Variants in ANKRD31 observed in about 807,000 individuals in gnomAD.
ANKRD31 encodes the protein ankyrin repeat domain 31, also known as ankyrin repeat domain-containing protein 31.
ANKRD31 carries 147 observed loss-of-function variants against 186.0 expected under a neutral mutation model. The observed-to-expected ratio is 0.79, with a 90% confidence interval of 0.69 to 0.91. ANKRD31 has a LOEUF of 0.91. Ranked by LOEUF, ANKRD31 falls within the 40% of genes least tolerant of loss-of-function variation. The pLI is 0.00. For missense variants in ANKRD31, 1,986 were observed against 2,148.8 expected, an observed-to-expected ratio of 0.92 and a Z score of 1.50; for synonymous variants, 673 against 736.4, an observed-to-expected ratio of 0.91 and a Z score of 1.39.
At chr5:75,176,229 G>C (rs922021177) in intron 10 of ANKRD31, among the ~76,000 whole-genome samples, 5 of 152,204 alleles carry the variant, frequency 3.3e-5, no homozygotes, top group Admixed American at 2.0e-4. Context: ...TTAACAAAGC[G>C]GCCAGGAAGC....
intron 17 of ANKRD31, among the ~76,000 whole-genome samples, chr5:75,123,467 C>T (rs1232595918): frequency 1.3e-5 from 2 of 151,882 alleles, no homozygotes; most frequent in African/African-American, 4.8e-5. Flanking sequence ...AACCAAAAAA[C>T]AGTCTGAATA....
chr5:75,163,746 T>C (rs9293646), intron 11 of ANKRD31, among the ~76,000 whole-genome samples: 2,232 of 152,264 alleles, frequency 0.015, 27 homozygotes, highest in South Asian at 0.05. Flanking sequence ...CTTGAATCAA[T>C]AGTATGATCA....
At chr5:75,126,187 A>G (rs567970640) in intron 17 of ANKRD31, among the ~76,000 whole-genome samples, 2 of 152,152 alleles carry the variant, frequency 1.3e-5, no homozygotes, top group African/African-American at 4.8e-5. Context: ...CTCACCTGTA[A>G]TCCCAGCACT....
chr5:75,140,790 C>T lies in ANKRD31; in HGVS notation c.3596-1807G>A, dbSNP rs77890288. Among the ~76,000 whole-genome samples, 1,273 of 152,238 alleles carry T rather than the reference C, an allele frequency of 8.4e-3. 31 individuals carry two copies. Among genetic ancestry groups the T allele is most frequent in the African/African-American group, 0.028 (1,183 of 41,544 alleles). The stretch of plus-strand genomic sequence containing the variant: ...GCCAATCACCAGTGAGGAACTGAGG[C>T]CCTCAGCCAACCATCCTCAAGAAAT... On this transcript the variant is annotated intron_variant, in intron 15 of 25. Coordinates refer to ENST00000506364, the MANE Select transcript of ANKRD31 (RefSeq NM_001372053.1).
At position 75,105,211 on chromosome 5, in the gene ANKRD31, T is replaced by C. The variant is rs747290129; in HGVS notation, c.4348A>G (p.Ile1450Val). ...DDLAKKYRVS[I>V]ESFKHGALRE... ...AGGGCTCCATGCTTAAATGACTCTATGGATACCCTATAGGAAGAAACAGAA... is the reference window on the plus strand; with the variant it reads ...AGGGCTCCATGCTTAAATGACTCTACGGATACCCTATAGGAAGAAACAGAA... Residue 1450 changes from isoleucine (I) to valine (V), a missense_variant, in exon 22 of 26, where the codon ATA becomes GTA. Ile to Val is a conservative substitution (Grantham distance 29). Coordinates refer to ENST00000506364, the MANE Select transcript of ANKRD31 (RefSeq NM_001372053.1). 2.0e-6 allele frequency: 3 copies of C among 1,507,834 alleles called. No individual in the cohort carries two copies. In the South Asian group the frequency reaches 3.8e-5, roughly 19 times the overall value. 93.4% of individuals were successfully genotyped at this position (1,507,834 alleles called of 1,614,324 possible).
intron 11 of ANKRD31, among the ~76,000 whole-genome samples, chr5:75,157,744 A>T (rs1022951009): frequency 6.6e-6 from 1 of 152,154 alleles, no homozygotes; most frequent in African/African-American, 2.4e-5. Flanking sequence ...AATGGCATGA[A>T]TCCCTGTGAC....
At chr5:75,192,022 T>A (rs1755149511) in intron 9 of ANKRD31, among the ~76,000 whole-genome samples, 1 of 152,094 alleles carries the variant, frequency 6.6e-6, no homozygotes, top group Admixed American at 6.6e-5. Flanking sequence ...TACGTATGCA[T>A]CCAGACACAT....
intron 16 of ANKRD31, 60 bp from the exon 17 acceptor site, chr5:75,138,058 A>T (rs749128874): frequency 1.7e-4 from 233 of 1,355,554 alleles, no homozygotes; most frequent in Non-Finnish European, 2.1e-4. Flanking sequence ...CTCATGTAAT[A>T]TCTGTATTAC....
At chr5:75,077,599 G>C (rs1025607351) in intron 25 of ANKRD31, among the ~76,000 whole-genome samples, 2 of 151,792 alleles carry the variant, frequency 1.3e-5, no homozygotes, top group Non-Finnish European at 2.9e-5. Context: ...TGTGTATTTG[G>C]TTGTACAAAA....
rs1283163230 is a variant in ANKRD31 at position 75,089,081 on chromosome 5, T to C, written c.5472+2180A>G. Reference sequence around the variant, plus strand: ...GGGCTTGGAGTCTACTAGGCACTAGTGGTTTCTAAAGGCCCTCAAGTGATT... The same window carrying C: ...GGGCTTGGAGTCTACTAGGCACTAGCGGTTTCTAAAGGCCCTCAAGTGATT... On this transcript the variant is annotated intron_variant, in intron 23 of 25. Coordinates refer to ENST00000506364, the MANE Select transcript of ANKRD31 (RefSeq NM_001372053.1). 2.6e-5 allele frequency among the ~76,000 whole-genome samples: 4 copies of C among 152,132 alleles called. No individual in the cohort carries two copies. In the East Asian group the frequency reaches 7.7e-4, roughly 29 times the overall value.
intron 21 of ANKRD31, among the ~76,000 whole-genome samples, chr5:75,105,757 A>C (rs1038826237): frequency 5.9e-5 from 9 of 152,180 alleles, no homozygotes; most frequent in African/African-American, 2.2e-4. Context: ...TTAGTTCCCC[A>C]AGTAATTACT....
At chr5:75,177,686 GA>G (rs1203829009) in intron 10 of ANKRD31, among the ~76,000 whole-genome samples, 1 of 152,160 alleles carries the variant, frequency 6.6e-6, no homozygotes. Flanking sequence ...CAAATGCTGA[GA>G]GATTTTGTCA....
At chr5:75,171,730 A>C (rs760104762) in intron 10 of ANKRD31, among the ~76,000 whole-genome samples, 31 of 151,866 alleles carry the variant, frequency 2.0e-4, no homozygotes, top group Non-Finnish European at 4.0e-4. Flanking sequence ...AACAGACATA[A>C]GATGGAACAG....
intron 10 of ANKRD31, among the ~76,000 whole-genome samples, chr5:75,172,525 A>T (rs1164514914): frequency 6.6e-6 from 1 of 152,146 alleles, no homozygotes; most frequent in Admixed American, 6.5e-5. Flanking sequence ...AGATGAATCA[A>T]ATAGATGCAA....
chr5:75,197,653 G>C (rs1755558726), intron 6 of ANKRD31, among the ~76,000 whole-genome samples: 1 of 152,150 alleles, frequency 6.6e-6, no homozygotes, highest in Admixed American at 6.6e-5. Context: ...CACTCTCTAA[G>C]TCTCAGTTCA....
chr5:75,230,552 T>A lies in ANKRD31; in HGVS notation c.178+10A>T. On this transcript the variant is annotated intron_variant, in intron 2 of 25. Transcript: ENST00000506364. Reference sequence around the variant, plus strand: ...TAAAGGGACTACTTAATGAAAAGAATCATTCTCACCTTTGCACATTCCTCT... The same window carrying A: ...TAAAGGGACTACTTAATGAAAAGAAACATTCTCACCTTTGCACATTCCTCT... The A allele has an allele frequency of 6.5e-7, 1 of 1,530,502 alleles. No individual in the cohort carries two copies. The highest frequency in any genetic ancestry group is 8.8e-7 in the Non-Finnish European group (1 of 1,141,292). The allele number at this position is 1,530,502 out of a possible 1,614,324, so 94.8% of individuals were successfully genotyped here.
Position 75,147,506 on chromosome 5 carries a change from C to G in ANKRD31, c.1906-1G>C. On this transcript the variant is annotated splice_acceptor_variant, in intron 13 of 25. Coordinates refer to ENST00000506364, the MANE Select transcript of ANKRD31 (RefSeq NM_001372053.1). LOFTEE classifies it high-confidence loss of function. ...GACTTTTAGAACTGAACTTTGGTTTCTATAGAAAAAAAATACATAGTTAGC... is the reference window on the plus strand; with the variant it reads ...GACTTTTAGAACTGAACTTTGGTTTGTATAGAAAAAAAATACATAGTTAGC... The G allele has an allele frequency of 7.0e-7, 1 of 1,424,346 alleles. No homozygotes were observed. Among genetic ancestry groups the G allele is most frequent in the Non-Finnish European group, 9.1e-7 (1 of 1,093,698 alleles). 88.2% of individuals were successfully genotyped at this position (1,424,346 alleles called of 1,614,324 possible). A position where few individuals can be genotyped will look rare whatever the true frequency, so the allele number is the denominator to read the frequency against.
chr5:75,104,842 C>A lies in ANKRD31; in HGVS notation c.4717G>T (p.Asp1573Tyr). 1.3e-6 allele frequency: 2 copies of A among 1,537,184 alleles called. No individual in the cohort carries two copies. The highest frequency in any genetic ancestry group is 1.7e-6 in the Non-Finnish European group (2 of 1,146,874). Residue 1573 changes from aspartate to tyrosine, a missense_variant, in exon 22 of 26, where the codon GAT becomes TAT. By Grantham distance (160) the Asp-to-Tyr change is radical. Transcript: ENST00000506364. Reference protein sequence around the residue: ...AVRRGEFSGNDMNSKQNGSDC... With the variant: ...AVRRGEFSGNYMNSKQNGSDC... Reference sequence around the variant, plus strand: ...CTGCCATTTTGTTTAGAATTCATATCATTTCCAGAAAATTCTCCCCTTCTC... The same window carrying A: ...CTGCCATTTTGTTTAGAATTCATATAATTTCCAGAAAATTCTCCCCTTCTC...
chr5:75,211,474 G>A (rs11952940), intron 3 of ANKRD31, among the ~76,000 whole-genome samples: 7,438 of 152,178 alleles, frequency 0.049, 396 homozygotes, highest in African/African-American at 0.13. Context: ...ATCTATTCAA[G>A]TCCCTGCTTT....
Sources: allele counts gnomAD v4.1 joint callset (sites outside exome capture counted in the v4.1 genomes callset), GRCh38; gene constraint gnomAD v4.1.1; transcripts MANE v1.5; gene names NCBI Gene and HGNC (gene_info 2026-07-23, HGNC 2026-07-21).